AUTS2: variants seen among roughly 807,000 people sequenced by gnomAD.
The protein encoded by AUTS2 is activator of transcription and developmental regulator AUTS2.
AUTS2 carries 17 observed loss-of-function variants against 112.4 expected under a neutral mutation model. The observed-to-expected ratio is 0.15, with a 90% CI of 0.10 to 0.23. AUTS2 has a LOEUF of 0.23. AUTS2 is among the 10% of genes least tolerant of loss of function. The probability of loss-of-function intolerance (pLI) is 1.00; values close to 1 mark genes in which losing one functional copy is unlikely to be tolerated. For synonymous variants in AUTS2, 751 were observed against 702.7 expected (o/e 1.07, Z -1.09); for missense variants, 1,510 against 1,701.6 (o/e 0.89, Z 1.98).
chr7:70,512,551 A>G (rs1341410613), intron 5 of AUTS2, among the ~76,000 whole-genome samples: 1 of 152,162 alleles, frequency 6.6e-6, no homozygotes, highest in Non-Finnish European at 1.5e-5. Flanking sequence ...CTCAGTAGGA[A>G]AACATCGAAA....
At chr7:69,656,429 C>T (rs1318594007) in intron 1 of AUTS2, among the ~76,000 whole-genome samples, 3 of 152,202 alleles carry the variant, frequency 2.0e-5, no homozygotes, top group Non-Finnish European at 2.9e-5. Flanking sequence ...GCTAATTTTG[C>T]TCACATTTCA....
chr7:70,465,026 A>G (rs1222337771), intron 5 of AUTS2, among the ~76,000 whole-genome samples: 1 of 152,020 alleles, frequency 6.6e-6, no homozygotes, highest in Non-Finnish European at 1.5e-5. Flanking sequence ...ATTTTTAGAG[A>G]GAGGGAGAGA....
chr7:70,474,596 T>A (rs1797510895), intron 5 of AUTS2, among the ~76,000 whole-genome samples: 1 of 152,198 alleles, frequency 6.6e-6, no homozygotes, highest in African/African-American at 2.4e-5. Context: ...CACAGAGGCA[T>A]ATAAAACTCC....
chr7:70,619,444 A>T (rs1804552673), intron 5 of AUTS2, among the ~76,000 whole-genome samples: 1 of 151,924 alleles, frequency 6.6e-6, no homozygotes, highest in Non-Finnish European at 1.5e-5. Flanking sequence ...CATGCTTGTT[A>T]TCTCACAGGA....
At chr7:70,355,197 AG>A (rs1482694576) in intron 4 of AUTS2, among the ~76,000 whole-genome samples, 1 of 152,020 alleles carries the variant, frequency 6.6e-6, no homozygotes, top group East Asian at 1.9e-4. Flanking sequence ...ATTGAGGAAT[AG>A]GCACAAATTT....
intron 2 of AUTS2, among the ~76,000 whole-genome samples, chr7:70,077,436 A>G (rs1185660477): frequency 1.3e-5 from 2 of 152,132 alleles, no homozygotes; most frequent in Non-Finnish European, 2.9e-5. Context: ...ATGTATCTGT[A>G]CCTGTCATCT....
chr7:69,862,205 G>A (rs748304365), intron 1 of AUTS2, among the ~76,000 whole-genome samples: 2 of 152,128 alleles, frequency 1.3e-5, no homozygotes, highest in Non-Finnish European at 2.9e-5. Context: ...TCTAATAGTT[G>A]TGAATAGATA....
intron 5 of AUTS2, among the ~76,000 whole-genome samples, chr7:70,484,748 A>T (rs1298542668): frequency 2.0e-5 from 3 of 152,198 alleles, no homozygotes; most frequent in Non-Finnish European, 1.5e-5. Context: ...GGATGACTTG[A>T]AAGCAGGGAT....
chr7:70,496,772 TACAC>T (rs1798546669), intron 5 of AUTS2, among the ~76,000 whole-genome samples: 2 of 81,970 alleles, frequency 2.4e-5, no homozygotes, highest in South Asian at 9.4e-4. Context: ...TCACACCACG[TACAC>T]AGTCAGACAC....
chr7:70,063,609 T>C (rs1802357070), intron 2 of AUTS2, among the ~76,000 whole-genome samples: 1 of 152,170 alleles, frequency 6.6e-6, no homozygotes, highest in Non-Finnish European at 1.5e-5. Context: ...AGACAACACA[T>C]GCATTGTGTA....
intron 4 of AUTS2, among the ~76,000 whole-genome samples, chr7:70,299,117 A>C (rs10950199): frequency 0.31 from 46,564 of 152,178 alleles, 7,393 homozygotes; most frequent in African/African-American, 0.38. Context: ...CTATAATCAT[A>C]ATTAACTCTT....
At chr7:70,574,376 G>A (rs2129526230) in intron 5 of AUTS2, among the ~76,000 whole-genome samples, 1 of 152,238 alleles carries the variant, frequency 6.6e-6, no homozygotes, top group Middle Eastern at 3.4e-3. Flanking sequence ...AGAATCCCTT[G>A]GAGTTTCTAC....
In AUTS2 at chr7:69,609,688, T is replaced by C. The variant is rs575651064; in HGVS notation, c.309+9726T>C. On this transcript the variant is annotated intron_variant, in intron 1 of 18. Coordinates refer to ENST00000342771, the MANE Select transcript of AUTS2 (RefSeq NM_015570.4). ...CAGGATGTATGGAGTGAGTGAACTT[T>C]GGAGTATAGTGGAGTTGAAGGCTCA... Among the ~76,000 whole-genome samples the C allele has an allele frequency of 9.8e-5, 15 of 152,330 alleles. 2 individuals carry two copies. In the South Asian group the frequency reaches 2.9e-3, roughly 29 times the overall value.
chr7:70,391,597 C>T (rs1793861086), intron 4 of AUTS2, among the ~76,000 whole-genome samples: 1 of 152,134 alleles, frequency 6.6e-6, no homozygotes, highest in African/African-American at 2.4e-5. Context: ...TCAACCCCAA[C>T]TATAACTTAC....
chr7:70,780,679 C>G (rs1204372958), intron 14 of AUTS2, among the ~76,000 whole-genome samples: 17 of 152,196 alleles, frequency 1.1e-4, no homozygotes, highest in Admixed American at 1.1e-3. Flanking sequence ...GGACACTGCC[C>G]TCCCCCAACC....
intron 4 of AUTS2, among the ~76,000 whole-genome samples, chr7:70,252,503 C>G (rs1033259534): frequency 1.3e-5 from 2 of 152,050 alleles, no homozygotes; most frequent in Non-Finnish European, 2.9e-5. Context: ...GATATTAACC[C>G]CATATTAAAT....
chr7:70,468,475 C>T (rs1015690119), intron 5 of AUTS2, among the ~76,000 whole-genome samples: 37 of 152,282 alleles, frequency 2.4e-4, no homozygotes, highest in Admixed American at 9.1e-4. Context: ...TTTAAATGAG[C>T]TCACGTTTTC....
chr7:70,785,257 G>T (rs1791372019), intron 16 of AUTS2, among the ~76,000 whole-genome samples: 1 of 152,250 alleles, frequency 6.6e-6, no homozygotes, highest in African/African-American at 2.4e-5. Flanking sequence ...GGTTCTGCCT[G>T]AACTTCCCAT....
intron 1 of AUTS2, among the ~76,000 whole-genome samples, chr7:69,824,374 A>C (rs1791145461): frequency 1.3e-5 from 2 of 151,498 alleles, no homozygotes. Context: ...GCGCCACCGC[A>C]CTCCAGCCTG....
Sources: gnomAD v4.1 joint callset for allele counts (sites outside exome capture counted in the v4.1 genomes callset) on GRCh38, gnomAD v4.1.1 for gene constraint, MANE v1.5 for transcripts, NCBI Gene and HGNC (gene_info 2026-07-23, HGNC 2026-07-21) for gene names.